Variants in DCDC1 observed in about 807,000 individuals in gnomAD.
The protein encoded by DCDC1 is doublecortin domain-containing protein 1.
DCDC1 carries 200 observed loss-of-function variants against 178.3 expected under a neutral mutation model. The observed-to-expected ratio is 1.12, with a 90% confidence interval of 1.00 to 1.26. DCDC1 has a LOEUF of 1.26. DCDC1 is among the 50% of genes most tolerant of loss of function. The pLI, the probability that DCDC1 is intolerant of heterozygous loss-of-function variation, is 0.00. For missense variants in DCDC1, 1,983 were observed against 1,749.2 expected, an observed-to-expected ratio of 1.13 and a Z score of -2.38; for synonymous variants, 690 against 604.8, an observed-to-expected ratio of 1.14 and a Z score of -2.07.
chr11:30,973,622 C>T (rs896703670), intron 20 of DCDC1, among the ~76,000 whole-genome samples: 6 of 151,980 alleles, frequency 3.9e-5, no homozygotes, highest in African/African-American at 4.8e-5. Flanking sequence ...ATAAAACAGA[C>T]GTTGGTTTAA....
intron 7 of DCDC1, among the ~76,000 whole-genome samples, chr11:31,266,534 T>C (rs961946845): frequency 3.3e-5 from 5 of 152,208 alleles, no homozygotes; most frequent in East Asian, 1.9e-4. Context: ...CAAATTGAAA[T>C]TGAAAGTGCT....
Position 31,006,796 on chromosome 11 carries a change from C to A in DCDC1, c.2592-54228G>T, listed in dbSNP as rs115483698. On this transcript the variant is annotated intron_variant, in intron 20 of 38. Transcript: ENST00000684477. ...AATAAAAATCAACCACATAAAATAA[C>A]CTTCATGATCCAATAAAGAGCTCTC... Among the ~76,000 whole-genome samples the A allele has an allele frequency of 2.7e-3, 417 of 152,260 alleles. 1 individual carries two copies. Among genetic ancestry groups the A allele is most frequent in the Middle Eastern group, 0.014 (4 of 294 alleles).
chr11:31,074,301 T>C (rs1428262881), intron 18 of DCDC1, among the ~76,000 whole-genome samples: 1 of 152,172 alleles, frequency 6.6e-6, no homozygotes, highest in African/African-American at 2.4e-5. Flanking sequence ...GGTGCTTAGC[T>C]GGTAACCCTC....
At chr11:31,303,451 C>T (rs577632027) in intron 6 of DCDC1, among the ~76,000 whole-genome samples, 7 of 152,106 alleles carry the variant, frequency 4.6e-5, no homozygotes, top group African/African-American at 9.6e-5. Context: ...GTTATTCACA[C>T]GTTTTTATTT....
chr11:31,283,812 C>T (rs1229090126), intron 7 of DCDC1, among the ~76,000 whole-genome samples: 1 of 152,132 alleles, frequency 6.6e-6, no homozygotes, highest in Admixed American at 6.6e-5. Context: ...TGAGGGGATG[C>T]TTACACAAAA....
At chr11:31,081,585 G>C (rs1199488209) in intron 17 of DCDC1, among the ~76,000 whole-genome samples, 2 of 151,852 alleles carry the variant, frequency 1.3e-5, no homozygotes, top group Non-Finnish European at 2.9e-5. Context: ...ACTGCAGCCT[G>C]GGCAACAAGA....
intron 9 of DCDC1, among the ~76,000 whole-genome samples, chr11:31,231,420 A>G (rs1201137365): frequency 6.6e-6 from 1 of 152,174 alleles, no homozygotes; most frequent in Non-Finnish European, 1.5e-5. Flanking sequence ...ACAAGGTGAT[A>G]TGCCAGAATA....
chr11:31,300,094 G>A (rs189611896), intron 6 of DCDC1, among the ~76,000 whole-genome samples: 17 of 152,144 alleles, frequency 1.1e-4, no homozygotes, highest in African/African-American at 3.6e-4. Flanking sequence ...TTGACCTCAC[G>A]ATTTGCTTGC....
chr11:31,125,076 T>C (rs1961403962), intron 11 of DCDC1, among the ~76,000 whole-genome samples: 1 of 151,730 alleles, frequency 6.6e-6, no homozygotes, highest in South Asian at 2.1e-4. Flanking sequence ...CTTAAGCAAA[T>C]TTGCAAGAAA....
intron 3 of DCDC1, among the ~76,000 whole-genome samples, chr11:31,327,767 G>A (rs1329208228): frequency 2.0e-5 from 3 of 151,452 alleles, no homozygotes; most frequent in South Asian, 2.1e-4. Flanking sequence ...TCACTCTGTC[G>A]CCCAGGCTAG....
At chr11:31,251,841 A>G (rs954125315) in intron 8 of DCDC1, among the ~76,000 whole-genome samples, 1 of 152,128 alleles carries the variant, frequency 6.6e-6, no homozygotes, top group Admixed American at 6.5e-5. Context: ...GTGATAAGGT[A>G]CTGGGGCATG....
chr11:31,251,325 G>C (rs750246331), intron 8 of DCDC1, among the ~76,000 whole-genome samples: 7 of 152,100 alleles, frequency 4.6e-5, no homozygotes, highest in Non-Finnish European at 1.0e-4. Flanking sequence ...CCAGACATTT[G>C]GCTGAACATT....
intron 15 of DCDC1, among the ~76,000 whole-genome samples, chr11:31,099,721 GTTT>G (rs371157451): frequency 2.2e-5 from 3 of 136,192 alleles, no homozygotes. Flanking sequence ...TTTGTTTGTT[GTTT>G]TTTTTTTTTT....
At chr11:30,923,616 TA>T (rs1946403359) in intron 23 of DCDC1, among the ~76,000 whole-genome samples, 1 of 149,350 alleles carries the variant, frequency 6.7e-6, no homozygotes, top group African/African-American at 2.4e-5. Flanking sequence ...ATAATAATAA[TA>T]ATAATTATTA....
chr11:31,362,778 A>G (rs1057482272), intron 1 of DCDC1, among the ~76,000 whole-genome samples: 1 of 152,192 alleles, frequency 6.6e-6, no homozygotes, highest in Non-Finnish European at 1.5e-5. Context: ...GAAAACATCT[A>G]TTCTTCAGTA....
chr11:31,152,188 C>T (rs1025977254), intron 9 of DCDC1, among the ~76,000 whole-genome samples: 3 of 152,088 alleles, frequency 2.0e-5, no homozygotes, highest in Admixed American at 6.5e-5. Context: ...ATTAGACTTG[C>T]GACACAAGAA....
At position 30,863,652 on chromosome 11, in the gene DCDC1, TA is replaced by T. The variant is rs1311455860; in HGVS notation, c.*1720del. The T allele has an allele frequency of 1.3e-5, 2 of 152,228 alleles. No individual in the cohort carries two copies. Among genetic ancestry groups the T allele is most frequent in the Non-Finnish European group, 2.9e-5 (2 of 68,038 alleles). 9.4% of individuals were successfully genotyped at this position (152,228 alleles called of 1,614,324 possible). A position where few individuals can be genotyped will look rare whatever the true frequency, so the allele number is the denominator to read the frequency against. Reference sequence around the variant, plus strand: ...TGTTTTTGAATAAAACAAAATAAGATATTACTACAGAGAAAGTTAGAATCAC... The same window carrying T: ...TGTTTTTGAATAAAACAAAATAAGATTTACTACAGAGAAAGTTAGAATCAC... On this transcript the variant is annotated 3_prime_UTR_variant, in exon 39 of 39. Transcript: ENST00000684477.
intron 7 of DCDC1, among the ~76,000 whole-genome samples, chr11:31,283,829 A>T (rs1390257209): frequency 6.6e-6 from 1 of 152,136 alleles, no homozygotes; most frequent in African/African-American, 2.4e-5. Flanking sequence ...AAAATTTGAG[A>T]ACTATTCTAC....
intron 20 of DCDC1, among the ~76,000 whole-genome samples, chr11:31,053,887 A>T (rs1955422660): frequency 6.6e-6 from 1 of 152,200 alleles, no homozygotes; most frequent in Non-Finnish European, 1.5e-5. Flanking sequence ...GAAAAGTTGA[A>T]AACATTCCAT....
Sources: gnomAD v4.1 joint callset for allele counts (sites outside exome capture counted in the v4.1 genomes callset) on GRCh38, gnomAD v4.1.1 for gene constraint, MANE v1.5 for transcripts, NCBI Gene and HGNC (gene_info 2026-07-23, HGNC 2026-07-21) for gene names.